Variants in RGS6 observed in about 807,000 individuals in gnomAD.
RGS6 encodes regulator of G-protein signaling 6.
In RGS6, 30 loss-of-function variants were observed where a neutral mutation model predicts 78.5. That is an observed-to-expected ratio of 0.38 (90% CI 0.29 to 0.52). The LOEUF is 0.52. Among genes scored for constraint, RGS6 ranks in the 20% least tolerant of loss-of-function variants. The pLI is 0.85. For missense variants in RGS6, 495 were observed against 609.7 expected (o/e 0.81, Z 1.98); for synonymous variants, 206 against 206.0 (o/e 1.00, Z 0.00).
At chr14:72,021,400 A>T (rs1329587348) in intron 2 of RGS6, among the ~76,000 whole-genome samples, 1 of 150,132 alleles carries the variant, frequency 6.7e-6, no homozygotes, top group Non-Finnish European at 1.5e-5. Context: ...CATACCACAC[A>T]CTGGATCCTC....
chr14:72,259,517 G>C (rs978136448), intron 2 of RGS6, among the ~76,000 whole-genome samples: 13 of 152,274 alleles, frequency 8.5e-5, no homozygotes, highest in Middle Eastern at 6.8e-3. Context: ...ATGGGAAAAT[G>C]CTGGTACTCT....
At chr14:72,084,489 G>C (rs2094946637) in intron 2 of RGS6, among the ~76,000 whole-genome samples, 1 of 152,148 alleles carries the variant, frequency 6.6e-6, no homozygotes, top group Admixed American at 6.5e-5. Context: ...AAAGTTGTTG[G>C]ACTGTTTTCA....
intron 1 of RGS6, among the ~76,000 whole-genome samples, chr14:71,956,980 A>G (rs1460885551): frequency 1.3e-5 from 2 of 152,222 alleles, no homozygotes; most frequent in Non-Finnish European, 2.9e-5. Context: ...AATGCAGAGT[A>G]AGTAAGTGAG....
At chr14:72,315,600 A>G (rs1467594098) in intron 2 of RGS6, among the ~76,000 whole-genome samples, 3 of 152,216 alleles carry the variant, frequency 2.0e-5, no homozygotes, top group Admixed American at 1.3e-4. Context: ...GTTAATTAGT[A>G]GTTTTAACAG....
intron 2 of RGS6, among the ~76,000 whole-genome samples, chr14:72,283,278 T>A (rs1006934976): frequency 2.6e-4 from 39 of 152,184 alleles, no homozygotes; most frequent in Admixed American, 2.0e-3. Context: ...TCAGTTATTT[T>A]GGCTATATAC....
At chr14:72,570,484 G>A (rs1382080329), downstream of RGS6, among the ~76,000 whole-genome samples, 1 of 152,202 alleles carries the variant, frequency 6.6e-6, no homozygotes, top group African/African-American at 2.4e-5. Context: ...TTGATTTTTG[G>A]TAGTGGTTAC....
At chr14:72,418,400 C>A (rs1234536649) in intron 3 of RGS6, among the ~76,000 whole-genome samples, 1 of 152,192 alleles carries the variant, frequency 6.6e-6, no homozygotes, top group Non-Finnish European at 1.5e-5. Flanking sequence ...CTCCTGACCT[C>A]AAGCAATCCA....
chr14:72,360,084 C>G (rs1036455966), intron 3 of RGS6, among the ~76,000 whole-genome samples: 1 of 151,698 alleles, frequency 6.6e-6, no homozygotes, highest in African/African-American at 2.4e-5. Flanking sequence ...ATAGAAATGA[C>G]TCAGTGGGGG....
intron 13 of RGS6, among the ~76,000 whole-genome samples, chr14:72,495,802 G>A (rs1479253669): frequency 2.6e-5 from 4 of 152,128 alleles, no homozygotes; most frequent in African/African-American, 7.2e-5. Context: ...TCATCACTCT[G>A]TTCTTCTGGA....
chr14:72,473,613 C>T (rs945881828), intron 9 of RGS6, among the ~76,000 whole-genome samples: 2 of 152,172 alleles, frequency 1.3e-5, no homozygotes, highest in African/African-American at 4.8e-5. Flanking sequence ...CTGTCGAATA[C>T]GGTTAATTCT....
chr14:72,114,904 C>G (rs891916058), intron 2 of RGS6, among the ~76,000 whole-genome samples: 5 of 152,276 alleles, frequency 3.3e-5, no homozygotes, highest in African/African-American at 1.2e-4. Flanking sequence ...GGGAAACAAT[C>G]AGACAAGTAA....
chr14:72,156,519 A>T (rs1356877828), intron 2 of RGS6, among the ~76,000 whole-genome samples: 1 of 151,690 alleles, frequency 6.6e-6, no homozygotes, highest in Non-Finnish European at 1.5e-5. Flanking sequence ...GAGTTGTGAT[A>T]CATGTTCATA....
chr14:72,535,976 C>A (rs973100702), intron 15 of RGS6, among the ~76,000 whole-genome samples: 4 of 152,164 alleles, frequency 2.6e-5, no homozygotes, highest in Non-Finnish European at 5.9e-5. Context: ...CCTCAGGGAA[C>A]TTTTATTCTA....
chr14:72,616,602 G>C, the RGS6 span, among the ~76,000 whole-genome samples: 1 of 152,182 alleles, frequency 6.6e-6, no homozygotes, highest in Non-Finnish European at 1.5e-5. Flanking sequence ...GAGTCCCAGT[G>C]TCACTCTGGA....
intron 6 of RGS6, among the ~76,000 whole-genome samples, chr14:72,462,251 G>A (rs1027859009): frequency 6.6e-6 from 1 of 152,168 alleles, no homozygotes; most frequent in Non-Finnish European, 1.5e-5. Flanking sequence ...GCATGGTGAG[G>A]ATCTGGCTTG....
chr14:72,384,597 G>C (rs574830958), intron 3 of RGS6, among the ~76,000 whole-genome samples: 20 of 152,252 alleles, frequency 1.3e-4, no homozygotes, highest in Non-Finnish European at 1.5e-4. Context: ...GATGTGTTCT[G>C]AGTGTCAAAT....
intron 2 of RGS6, among the ~76,000 whole-genome samples, chr14:72,241,265 G>A (rs904332083): frequency 1.3e-5 from 2 of 151,978 alleles, no homozygotes; most frequent in African/African-American, 4.8e-5. Flanking sequence ...CTCAAGTAAT[G>A]TTGGTCAAAT....
intron 2 of RGS6, among the ~76,000 whole-genome samples, chr14:72,015,160 C>T (rs28450218): frequency 0.075 from 11,413 of 152,256 alleles, 994 homozygotes; most frequent in East Asian, 0.21. Flanking sequence ...CTCCCAGCTG[C>T]TTCCACTCAT....
At chr14:72,580,309 C>T in the RGS6 span, among the ~76,000 whole-genome samples, 3 of 143,720 alleles carry the variant, frequency 2.1e-5, no homozygotes, top group Non-Finnish European at 4.5e-5. Flanking sequence ...CAAAAATGTC[C>T]CCCCCACCCC....
Sources: allele counts gnomAD v4.1 joint callset (sites outside exome capture counted in the v4.1 genomes callset), GRCh38; gene constraint gnomAD v4.1.1; transcripts MANE v1.5; gene names NCBI Gene and HGNC (gene_info 2026-07-23, HGNC 2026-07-21).